Variants in HMGXB4 observed in about 807,000 individuals in gnomAD.
The protein encoded by HMGXB4 is HMG-box containing 4, also known as HMG domain-containing protein 4.
A neutral mutation model predicts 63.9 loss-of-function variants in HMGXB4; 27 were observed. The ratio of observed to expected loss-of-function variants is 0.42; its 90% CI spans 0.31 to 0.58. HMGXB4 has a LOEUF of 0.58. Among genes scored for constraint, HMGXB4 ranks in the 20% least tolerant of loss-of-function variants. HMGXB4 has a pLI of 0.13. For missense variants in HMGXB4, 624 were observed against 700.7 expected (o/e 0.89, Z 1.24); for synonymous variants, 264 against 265.3 (o/e 0.99, Z 0.05).
intron 5 of HMGXB4, among the ~76,000 whole-genome samples, chr22:35,272,081 TA>T (rs1190484067): frequency 2.6e-5 from 4 of 152,144 alleles, no homozygotes; most frequent in African/African-American, 9.7e-5. Flanking sequence ...ATAAATGAAA[TA>T]GGTAAATGGA....
At chr22:35,274,929 G>A (rs1278840942) in intron 5 of HMGXB4, among the ~76,000 whole-genome samples, 1 of 152,072 alleles carries the variant, frequency 6.6e-6, no homozygotes, top group Non-Finnish European at 1.5e-5. Context: ...AAGCCAGGCT[G>A]CCTGTGTTTA....
At chr22:35,250,527 C>G in the HMGXB4 span, among the ~76,000 whole-genome samples, 1 of 152,254 alleles carries the variant, frequency 6.6e-6, no homozygotes, top group Non-Finnish European at 1.5e-5. Flanking sequence ...GAGGGATCTG[C>G]CCCCCATGAC....
chr22:35,294,914 T>G lies in HMGXB4; in HGVS notation c.*1263T>G, dbSNP rs1185443608. The G allele has an allele frequency of 6.6e-6, 1 of 152,158 alleles. No homozygotes were observed. Among genetic ancestry groups the G allele is most frequent in the Non-Finnish European group, 1.5e-5 (1 of 68,030 alleles). 9.4% of individuals were successfully genotyped at this position (152,158 alleles called of 1,614,324 possible). A position where few individuals can be genotyped will look rare whatever the true frequency, so the allele number is the denominator to read the frequency against. ...GTATTTTACCTCAAAAATGAATCAT[T>G]GTGTTAGGATTCTAATTCTTTATAA... On this transcript the variant is annotated 3_prime_UTR_variant, in exon 11 of 11. Coordinates refer to ENST00000216106, the MANE Select transcript of HMGXB4 (RefSeq NM_001003681.3).
rs1432133439 is a variant in HMGXB4, at chr22:35,294,897, C to G, written c.*1246C>G. 4 of 151,838 alleles carry G rather than the reference C, an allele frequency of 2.6e-5. No homozygotes were observed. Among genetic ancestry groups the G allele is most frequent in the Non-Finnish European group, 5.9e-5 (4 of 67,916 alleles). 9.4% of individuals were successfully genotyped at this position (151,838 alleles called of 1,614,324 possible). A position where few individuals can be genotyped will look rare whatever the true frequency, so the allele number is the denominator to read the frequency against. On this transcript the variant is annotated 3_prime_UTR_variant, in exon 11 of 11. Transcript: ENST00000216106. The stretch of plus-strand genomic sequence containing the variant: ...ATCATCTACATTTTAAGGTATTTTA[C>G]CTCAAAAATGAATCATTGTGTTAGG...
chr22:35,261,367 C>T (rs1170344440), intron 1 of HMGXB4, among the ~76,000 whole-genome samples: 8 of 148,240 alleles, frequency 5.4e-5, no homozygotes, highest in Non-Finnish European at 1.0e-4. Context: ...ACCCGGGAGG[C>T]GGAGGTTGCA....
chr22:35,284,646 A>G (rs2145565011), intron 6 of HMGXB4, among the ~76,000 whole-genome samples: 1 of 152,338 alleles, frequency 6.6e-6, no homozygotes, highest in African/African-American at 2.4e-5. Flanking sequence ...GAAAGTGAAA[A>G]ACAGAATGGC....
At chr22:35,287,694 A>G (rs760222609) in intron 8 of HMGXB4, among the ~76,000 whole-genome samples, 15 of 151,852 alleles carry the variant, frequency 9.9e-5, no homozygotes, top group Non-Finnish European at 2.1e-4. Context: ...CATGCCTGTA[A>G]TCCTAGCACT....
At chr22:35,270,374 C>T (rs536075363) in intron 5 of HMGXB4, among the ~76,000 whole-genome samples, 5 of 152,300 alleles carry the variant, frequency 3.3e-5, no homozygotes, top group Admixed American at 2.6e-4. Context: ...AGAAAATAAG[C>T]TCAGGGCTCC....
the HMGXB4 span, among the ~76,000 whole-genome samples, chr22:35,247,194 C>T: frequency 1.3e-5 from 2 of 152,176 alleles, no homozygotes; most frequent in African/African-American, 4.8e-5. Context: ...TTCTGTGACA[C>T]AGTGAAGATA....
the HMGXB4 span, among the ~76,000 whole-genome samples, chr22:35,245,016 G>A: frequency 3.9e-5 from 6 of 152,224 alleles, no homozygotes; most frequent in African/African-American, 1.2e-4. Flanking sequence ...GGGATTACAG[G>A]TGCCCGCCAC....
At chr22:35,285,961 C>G (rs368434405) in intron 6 of HMGXB4, 36 bp from the exon 7 acceptor site, 1 of 1,488,724 alleles carries the variant, frequency 6.7e-7, no homozygotes, top group African/African-American at 1.4e-5. Flanking sequence ...ATAGCTAACC[C>G]TTTACTGTAT....
At chr22:35,279,900 T>C (rs1924142606) in intron 5 of HMGXB4, among the ~76,000 whole-genome samples, 1 of 152,162 alleles carries the variant, frequency 6.6e-6, no homozygotes, top group Non-Finnish European at 1.5e-5. Flanking sequence ...AGCTTAATAG[T>C]AATATTGAAG....
At chr22:35,276,443 C>T (rs1923918043) in intron 5 of HMGXB4, among the ~76,000 whole-genome samples, 1 of 152,228 alleles carries the variant, frequency 6.6e-6, no homozygotes, top group South Asian at 2.1e-4. Context: ...CAGAAACTAT[C>T]TGGGGAGAAG....
At chr22:35,252,608 T>C (rs528463587), upstream of HMGXB4, among the ~76,000 whole-genome samples, 1 of 152,382 alleles carries the variant, frequency 6.6e-6, no homozygotes, top group South Asian at 2.1e-4. Context: ...TCTGTCAGTA[T>C]CAAGTTAGAT....
rs1204994998 is a variant in HMGXB4 at position 35,265,595 on chromosome 22, G to A, written c.1207G>A (p.Gly403Arg). 2 of 1,565,180 alleles carry A rather than the reference G, an allele frequency of 1.3e-6. No homozygotes were observed. Among genetic ancestry groups the A allele is most frequent in the Non-Finnish European group, 1.7e-6 (2 of 1,156,918 alleles). Reference protein sequence around the residue: ...KEEKDKERERGEKPKKKNMSA... With the variant: ...KEEKDKERERREKPKKKNMSA... Reference sequence around the variant, plus strand: ...AGAGAAGGACAAAGAGAGAGAGAGAGGAGAAAAGGTAAAGCATCTTTTAAG... The same window carrying A: ...AGAGAAGGACAAAGAGAGAGAGAGAAGAGAAAAGGTAAAGCATCTTTTAAG... Residue 403 changes from glycine (G) to arginine (R), a missense_variant, in exon 5 of 11, where the codon GGA (glycine) becomes AGA (arginine). Coordinates refer to ENST00000216106, the MANE Select transcript of HMGXB4 (RefSeq NM_001003681.3).
At chr22:35,288,200 G>A in intron 8 of HMGXB4, 38 bp from the exon 9 acceptor site, 1 of 1,403,886 alleles carries the variant, frequency 7.1e-7, no homozygotes, top group Non-Finnish European at 9.4e-7. Context: ...AAGGCTGTAG[G>A]CAAGTTTTAC....
intron 1 of HMGXB4, among the ~76,000 whole-genome samples, chr22:35,261,175 C>T (rs185993025): frequency 1.2e-3 from 178 of 152,276 alleles, no homozygotes; most frequent in Non-Finnish European, 1.4e-3. Context: ...CGGTGGCTCA[C>T]GCCTGTAATC....
At chr22:35,247,869 A>T in the HMGXB4 span, among the ~76,000 whole-genome samples, 1 of 152,180 alleles carries the variant, frequency 6.6e-6, no homozygotes, top group Non-Finnish European at 1.5e-5. Context: ...ACAAGTTGTT[A>T]ACAAAATCAT....
chr22:35,243,003 T>C, the HMGXB4 span, among the ~76,000 whole-genome samples: 1 of 152,248 alleles, frequency 6.6e-6, no homozygotes, highest in Non-Finnish European at 1.5e-5. Flanking sequence ...GTATGATTTC[T>C]TTTAAATTTG....
Sources: gnomAD v4.1 joint callset for allele counts (sites outside exome capture counted in the v4.1 genomes callset) on GRCh38, gnomAD v4.1.1 for gene constraint, MANE v1.5 for transcripts, NCBI Gene and HGNC (gene_info 2026-07-23, HGNC 2026-07-21) for gene names.